The following SECISBP2 variants were observed in gnomAD, a reference collection of about 807,000 sequenced individuals.
The protein encoded by SECISBP2 is selenocysteine insertion sequence-binding protein 2.
A neutral mutation model predicts 98.2 loss-of-function variants in SECISBP2; 96 were observed. That is an observed-to-expected ratio of 0.98 (90% CI 0.83 to 1.16). SECISBP2 has a LOEUF of 1.16. SECISBP2 is among the 50% of genes most tolerant of loss of function. SECISBP2 has a pLI of 0.00. For missense variants in SECISBP2, 1,046 were observed against 1,022.9 expected (o/e 1.02, Z -0.31); for synonymous variants, 407 against 370.2 (o/e 1.10, Z -1.14).
At chr9:89,355,630 A>T in intron 14 of SECISBP2, 1 of 884,738 alleles carries the variant, frequency 1.1e-6, no homozygotes, top group Non-Finnish European at 1.4e-6. Flanking sequence ...TAGGTGTTTT[A>T]TATATTGGTA....
chr9:89,334,682 G>A lies in SECISBP2; in HGVS notation c.1041G>A (p.Ser347=), dbSNP rs148366421. ...TACCATCTTCTGAAGCTTTATCTTC[G>A]GATCCTTCCTACAACAAAGAAAAAC... The part of the protein sequence containing the change: ...VSIPSSEALS[S]DPSYNKEKHI... The change falls in exon 7 of 17, where the codon TCG becomes TCA. Residue 347 remains serine (S), a synonymous_variant. Coordinates refer to ENST00000375807, the MANE Select transcript of SECISBP2 (RefSeq NM_024077.5). 2.7e-5 allele frequency: 44 copies of A among 1,613,784 alleles called. No individual in the cohort carries two copies. The highest frequency in any genetic ancestry group is 2.2e-4 in the South Asian group (20 of 91,072).
chr9:89,357,960 A>C, intron 15 of SECISBP2, 39 bp from the exon 16 acceptor site: 1 of 1,608,560 alleles, frequency 6.2e-7, no homozygotes, highest in Non-Finnish European at 8.5e-7. Flanking sequence ...TGTCCTCTGT[A>C]GCTGGGATGT....
intron 14 of SECISBP2, among the ~76,000 whole-genome samples, chr9:89,352,600 G>T (rs557377000): frequency 6.6e-6 from 1 of 152,142 alleles, no homozygotes; most frequent in African/African-American, 2.4e-5. Context: ...TCTGGGACAC[G>T]ATGAATTTTT....
chr9:89,337,736 G>A (rs564954667), intron 7 of SECISBP2, among the ~76,000 whole-genome samples: 5 of 152,336 alleles, frequency 3.3e-5, no homozygotes, highest in Middle Eastern at 6.8e-3. Flanking sequence ...AAAACAAAAA[G>A]TTCCCTGCCC....
Position 89,357,453 on chromosome 9 carries a change from G to C in SECISBP2, c.2156G>C (p.Cys719Ser), listed in dbSNP as rs749137259. The change falls in exon 15 of 17, where the codon TGT (cysteine) becomes TCT (serine). Residue 719 changes from cysteine to serine, a missense_variant. By Grantham distance (112) the Cys-to-Ser change is moderately radical (BLOSUM62 -1). Coordinates refer to ENST00000375807, the MANE Select transcript of SECISBP2 (RefSeq NM_024077.5). ...TTGCACACAATTATTGATTATGCCT[G>C]TGAGCAGAACATTCCCTTTGTGTTT... ...DTLHTIIDYA[C>S]EQNIPFVFAL... The C allele has an allele frequency of 3.1e-6, 5 of 1,614,178 alleles. No individual in the cohort carries two copies.
At chr9:89,358,245 TTTAA>T (rs1163477917) in intron 16 of SECISBP2, 54 bp downstream of exon 16, 2 of 1,545,038 alleles carry the variant, frequency 1.3e-6, no homozygotes, top group Non-Finnish European at 1.8e-6. Context: ...ATTTACTGAC[TTTAA>T]TTAGGAGTCC....
At chr9:89,363,427 T>C (rs761577069), downstream of SECISBP2, 3 of 1,612,286 alleles carry the variant, frequency 1.9e-6, no homozygotes, top group South Asian at 2.2e-5. Context: ...TGCGGCCACT[T>C]ACCCACGCCT....
chr9:89,318,763 T>C, intron 1 of SECISBP2, 151 bp downstream of exon 1: 1 of 1,240,514 alleles, frequency 8.1e-7, no homozygotes, highest in Non-Finnish European at 1.0e-6. Context: ...GCCGCGATCT[T>C]CGCGCCCCGC....
chr9:89,327,197 C>G (rs1564334543), intron 4 of SECISBP2, among the ~76,000 whole-genome samples: 1 of 151,928 alleles, frequency 6.6e-6, no homozygotes, highest in African/African-American at 2.4e-5. Flanking sequence ...ATGTTTTACC[C>G]GTATAGGGCA....
chr9:89,325,955 C>G lies in SECISBP2; in HGVS notation c.491C>G (p.Ala164Gly), dbSNP rs758980060. The change falls in exon 4 of 17, where the codon GCT becomes GGT. Residue 164 changes from alanine (A) to glycine (G), a missense_variant. Physicochemically the swap from Ala to Gly is moderately conservative, Grantham distance 60. Transcript: ENST00000375807. ...YDQQKFDSER[A>G]DGTISSEIKS... ...CAGCAAAAGTTTGACAGTGAAAGGG[C>G]TGATGGAACTATATCATCTGAGATA... is the stretch of plus-strand genomic sequence containing the variant. The G allele has an allele frequency of 2.5e-6, 4 of 1,613,962 alleles. No homozygotes were observed. The highest frequency in any genetic ancestry group is 3.4e-6 in the Non-Finnish European group (4 of 1,179,932).
chr9:89,335,306 G>C (rs531512306), intron 7 of SECISBP2, among the ~76,000 whole-genome samples: 1 of 151,882 alleles, frequency 6.6e-6, no homozygotes, highest in Admixed American at 6.6e-5. Flanking sequence ...TGTGCATCAC[G>C]TTTTGATTAC....
At chr9:89,333,051 T>G (rs1229585802) in intron 6 of SECISBP2, 65 bp downstream of exon 6, 1 of 1,328,000 alleles carries the variant, frequency 7.5e-7, no homozygotes, top group Non-Finnish European at 1.1e-6. Flanking sequence ...CATTTTTAAC[T>G]CCAGTGCAGT....
chr9:89,338,821 G>T (rs1371930033), intron 8 of SECISBP2, among the ~76,000 whole-genome samples: 3 of 151,626 alleles, frequency 2.0e-5, no homozygotes, highest in Admixed American at 2.0e-4. Flanking sequence ...AAAACTACTT[G>T]TATCAGAGTT....
At chr9:89,339,511 A>G (rs1313418140) in intron 8 of SECISBP2, among the ~76,000 whole-genome samples, 4 of 152,232 alleles carry the variant, frequency 2.6e-5, no homozygotes, top group East Asian at 3.8e-4. Flanking sequence ...CAGAGATAAC[A>G]TGTAAATCTA....
chr9:89,332,238 A>C (rs1026652630), intron 5 of SECISBP2, among the ~76,000 whole-genome samples: 2 of 152,148 alleles, frequency 1.3e-5, no homozygotes, highest in Non-Finnish European at 2.9e-5. Context: ...GCACACACAC[A>C]CACACACACA....
Position 89,334,521 on chromosome 9 carries a change from G to A in SECISBP2, c.881-1G>A, listed in dbSNP as rs1564365407. The A allele has an allele frequency of 1.9e-6, 3 of 1,613,786 alleles. No individual in the cohort carries two copies. The highest frequency in any genetic ancestry group is 2.5e-6 in the Non-Finnish European group (3 of 1,179,860). On this transcript the variant is annotated splice_acceptor_variant, in intron 6 of 16. Transcript: ENST00000375807. LOFTEE classifies it high-confidence loss of function. ...CAACAATTTTGGTTATCTTTGAGCAGAGTTATCTTGGACACCAATGGGTTA... is the reference window on the plus strand; with the variant it reads ...CAACAATTTTGGTTATCTTTGAGCAAAGTTATCTTGGACACCAATGGGTTA...
At chr9:89,359,831 C>T (rs1832624222), downstream of SECISBP2, among the ~76,000 whole-genome samples, 1 of 152,180 alleles carries the variant, frequency 6.6e-6, no homozygotes, top group South Asian at 2.1e-4. Flanking sequence ...TCCAGCACTG[C>T]ACAGACCTGC....
rs374287074 is a variant in SECISBP2, at chr9:89,319,819, T to C, written c.182+22T>C. The C allele has an allele frequency of 1.1e-5, 17 of 1,612,662 alleles. No individual in the cohort carries two copies. In the African/African-American group the frequency reaches 1.9e-4, roughly 18 times the overall value. ...CAGAGTATGTATCTTTCTAAAAGTC[T>C]TACCTAGGGGCTTACATTTTGGATT... On this transcript the variant is annotated intron_variant, in intron 2 of 16. Coordinates refer to ENST00000375807, the MANE Select transcript of SECISBP2 (RefSeq NM_024077.5).
In SECISBP2 at chr9:89,319,752, C is replaced by T. The variant is rs1027713548; in HGVS notation, c.137C>T (p.Ser46Phe). 18 of 1,614,092 alleles carry T rather than the reference C, an allele frequency of 1.1e-5. No individual in the cohort carries two copies. In the Admixed American group the frequency reaches 1.8e-4, roughly 16 times the overall value. Residue 46 changes from serine (S) to phenylalanine (F), a missense_variant, in exon 2 of 17, where the codon TCT becomes TTT. Ser to Phe is a radical substitution (Grantham distance 155). Transcript: ENST00000375807. ...ESSEACVFPS[S>F]AATYYPFVQE... ...TCAGAAGCATGTGTCTTCCCCAGCTCTGCAGCCACATACTATCCGTTTGTT... is the reference window on the plus strand; with the variant it reads ...TCAGAAGCATGTGTCTTCCCCAGCTTTGCAGCCACATACTATCCGTTTGTT...
Sources: gnomAD v4.1 joint callset for allele counts (sites outside exome capture counted in the v4.1 genomes callset) on GRCh38, gnomAD v4.1.1 for gene constraint, MANE v1.5 for transcripts, NCBI Gene and HGNC (gene_info 2026-07-23, HGNC 2026-07-21) for gene names.